Variants in C2orf92 observed in about 807,000 individuals in gnomAD.
The protein encoded by C2orf92 is chromosome 2 open reading frame 92, also known as uncharacterized protein C2orf92.
intron 1 of C2orf92, among the ~76,000 whole-genome samples, chr2:97,673,995 G>A (rs1675494109): frequency 1.3e-5 from 2 of 152,182 alleles, no homozygotes; most frequent in South Asian, 4.1e-4. Context: ...TACCGGTTAA[G>A]AATGCACCTG....
chr2:97,665,170 A>G (rs1041396893), upstream of C2orf92, among the ~76,000 whole-genome samples: 3 of 152,214 alleles, frequency 2.0e-5, no homozygotes. Flanking sequence ...TCAAGAGTGC[A>G]GGATAGTTGA....
At chr2:97,670,127 A>G (rs907107851) in intron 1 of C2orf92, 2 of 268,528 alleles carry the variant, frequency 7.4e-6, no homozygotes, top group African/African-American at 4.4e-5. Flanking sequence ...AAGTAGAAAG[A>G]TTAGTATAAA....
upstream of C2orf92, chr2:97,665,733 CTCTCTATA>C (rs1476938823): frequency 4.0e-3 from 80 of 19,760 alleles, no homozygotes; most frequent in East Asian, 6.8e-3. Context: ...CTCTCTCTCT[CTCTCTATA>C]TATATATATA....
chr2:97,678,155 G>A (rs377401176), intron 3 of C2orf92, among the ~76,000 whole-genome samples: 12 of 151,472 alleles, frequency 7.9e-5, no homozygotes, highest in African/African-American at 1.5e-4. Context: ...AGCCGAGATC[G>A]CGCCATTGCA....
chr2:97,683,645 C>T (rs1054669406), intron 3 of C2orf92, among the ~76,000 whole-genome samples: 3 of 151,554 alleles, frequency 2.0e-5, no homozygotes, highest in African/African-American at 7.3e-5. Flanking sequence ...AAAAATCTAC[C>T]GTAAGATTCG....
intron 1 of C2orf92, chr2:97,670,750 A>T (rs1248706568): frequency 6.6e-6 from 1 of 151,946 alleles, no homozygotes; most frequent in Non-Finnish European, 1.5e-5. Context: ...TTCTGTAGAA[A>T]TAGGGATCTC....
At chr2:97,677,803 C>T (rs1675631993) in intron 3 of C2orf92, 1 of 151,934 alleles carries the variant, frequency 6.6e-6, no homozygotes, top group Admixed American at 6.6e-5. Flanking sequence ...TAAAGGAGAC[C>T]ATGAACAAAT....
intron 4 of C2orf92, among the ~76,000 whole-genome samples, chr2:97,689,383 A>C (rs2104579958): frequency 6.6e-6 from 1 of 152,298 alleles, no homozygotes; most frequent in African/African-American, 2.4e-5. Context: ...GTGGTTTGAG[A>C]GAATTAGTGC....
intron 4 of C2orf92, 54 bp from the exon 5 acceptor site, chr2:97,690,202 G>T: frequency 2.5e-6 from 1 of 397,366 alleles, no homozygotes; most frequent in Non-Finnish European, 4.4e-6. Flanking sequence ...TTGCAAATGT[G>T]TACTGATGAA....
intron 1 of C2orf92, chr2:97,670,846 G>A (rs190637328): frequency 6.6e-6 from 1 of 152,244 alleles, no homozygotes; most frequent in East Asian, 1.9e-4. Flanking sequence ...TTACAGGCAT[G>A]AACCACTATG....
intron 5 of C2orf92, among the ~76,000 whole-genome samples, chr2:97,695,327 A>G (rs1013458413): frequency 6.6e-6 from 1 of 152,180 alleles, no homozygotes; most frequent in Non-Finnish European, 1.5e-5. Context: ...TTGTGAGTTA[A>G]TTTTTGTTTA....
At chr2:97,677,236 C>T (rs750787739) in intron 3 of C2orf92, among the ~76,000 whole-genome samples, 43 of 152,210 alleles carry the variant, frequency 2.8e-4, no homozygotes, top group Non-Finnish European at 4.4e-4. Flanking sequence ...ACTCAGGGCG[C>T]GTATTTTGAT....
At chr2:97,676,395 C>T (rs1320424686) in intron 3 of C2orf92, among the ~76,000 whole-genome samples, 1 of 141,324 alleles carries the variant, frequency 7.1e-6, no homozygotes, top group African/African-American at 2.7e-5. Context: ...GATCATGCCA[C>T]TGCACTCCAG....
chr2:97,683,381 T>G (rs999978673), intron 3 of C2orf92, among the ~76,000 whole-genome samples: 2 of 152,088 alleles, frequency 1.3e-5, no homozygotes, highest in African/African-American at 4.8e-5. Flanking sequence ...CTCATGTTCA[T>G]GGACTGAAAA....
intron 3 of C2orf92, among the ~76,000 whole-genome samples, chr2:97,686,513 C>T (rs760477505): frequency 2.6e-5 from 4 of 151,990 alleles, no homozygotes; most frequent in South Asian, 2.1e-4. Flanking sequence ...CCTGCCTCCC[C>T]GGTTCAAGCG....
rs923614182 is a variant in C2orf92, at chr2:97,702,884, C to T, written c.*83C>T. The T allele has an allele frequency of 1.0e-5, 4 of 398,182 alleles. No homozygotes were observed. The highest frequency in any genetic ancestry group is 1.8e-5 in the Non-Finnish European group (4 of 225,758). The allele number at this position is 398,182 out of a possible 1,614,324, so 24.7% of individuals were successfully genotyped here. ...ATCTGCGCACCACAGGGAGGCAATTCCATTTCTGCCCGGGAGGTGTATTCT... is the reference window on the plus strand; with the variant it reads ...ATCTGCGCACCACAGGGAGGCAATTTCATTTCTGCCCGGGAGGTGTATTCT... On this transcript the variant is annotated 3_prime_UTR_variant, in exon 8 of 8. Coordinates refer to ENST00000627399, the MANE Select transcript of C2orf92 (RefSeq NM_001351368.2).
chr2:97,682,315 G>A (rs1453260583), intron 3 of C2orf92, among the ~76,000 whole-genome samples: 2 of 152,180 alleles, frequency 1.3e-5, no homozygotes, highest in African/African-American at 4.8e-5. Context: ...GAATGAATCA[G>A]TAATCAAAAT....
upstream of C2orf92, chr2:97,665,700 T>TCC (rs1675190318): frequency 1.2e-5 from 1 of 81,808 alleles, no homozygotes; most frequent in African/African-American, 5.9e-5. Context: ...TGACTCTCTC[T>TCC]CTCTCTCTCT....
intron 1 of C2orf92, among the ~76,000 whole-genome samples, chr2:97,673,507 T>C (rs1418594365): frequency 2.0e-5 from 3 of 152,196 alleles, no homozygotes; most frequent in Non-Finnish European, 4.4e-5. Flanking sequence ...GTGAAGGAAG[T>C]TGACAGAGAC....
Sources: gnomAD v4.1 joint callset for allele counts (sites outside exome capture counted in the v4.1 genomes callset) on GRCh38, gnomAD v4.1.1 for gene constraint, MANE v1.5 for transcripts, NCBI Gene and HGNC (gene_info 2026-07-23, HGNC 2026-07-21) for gene names.